The following CAMSAP2 variants were observed in gnomAD, a reference collection of about 807,000 sequenced individuals.
CAMSAP2 encodes calmodulin regulated spectrin associated protein family member 2.
Under a neutral mutation model 146.1 loss-of-function variants are expected in CAMSAP2, and 26 were observed. The ratio of observed to expected loss-of-function variants is 0.18; its 90% CI spans 0.13 to 0.25. CAMSAP2 has a LOEUF of 0.25. Ranked by LOEUF, CAMSAP2 falls within the 10% of genes least tolerant of loss-of-function variation. The pLI is 1.00. For missense variants in CAMSAP2, 1,381 were observed against 1,759.3 expected (o/e 0.78, Z 3.85); for synonymous variants, 499 against 596.6 (o/e 0.84, Z 2.38).
chr1:200,806,288 G>A (rs1666167705), intron 2 of CAMSAP2, among the ~76,000 whole-genome samples: 1 of 152,186 alleles, frequency 6.6e-6, no homozygotes, highest in African/African-American at 2.4e-5. Context: ...TTCCAAAGAA[G>A]AAATGCAAAT....
rs187369784 is a variant in CAMSAP2, at chr1:200,754,805, A to G, written c.140-6034A>G. On this transcript the variant is annotated intron_variant, in intron 1 of 16. Transcript: ENST00000358823. The stretch of plus-strand genomic sequence containing the variant: ...CACCGTGTTAGTCAGGACGGTCTCT[A>G]TCTCCTGACCTTGTGATCTGCCTGC... Among the ~76,000 whole-genome samples the G allele has an allele frequency of 2.6e-4, 40 of 152,216 alleles. No individual in the cohort carries two copies. The East Asian group carries it at 7.7e-3, about 29-fold the overall frequency.
In CAMSAP2 at chr1:200,857,057, T is replaced by C. The variant is rs114512233; in HGVS notation, c.4013-249T>C. Among the ~76,000 whole-genome samples the C allele has an allele frequency of 7.4e-3, 1,127 of 152,282 alleles. 13 individuals are homozygous for C. Among genetic ancestry groups the C allele is most frequent in the Middle Eastern group, 0.044 (13 of 294 alleles). ...GGTTAAATAGGCAGTATGACAGTTA[T>C]AGCAATATTTTATTTTTAGTACTGC... On this transcript the variant is annotated intron_variant, in intron 15 of 16. Coordinates refer to ENST00000358823, the MANE Select transcript of CAMSAP2 (RefSeq NM_203459.4). The surrounding 1 kb of genome is among the most constrained non-coding windows in gnomAD (Gnocchi z 4.7).
intron 2 of CAMSAP2, among the ~76,000 whole-genome samples, chr1:200,766,323 A>G (rs1318892569): frequency 6.6e-6 from 1 of 150,706 alleles, no homozygotes. Context: ...TTTTTTTATT[A>G]TTTTTTTTGT....
chr1:200,817,365 TCAAA>T lies in CAMSAP2; in HGVS notation c.645+1724_645+1727del, dbSNP rs763886985. Among the ~76,000 whole-genome samples, 21 of 152,176 alleles carry T rather than the reference TCAAA, an allele frequency of 1.4e-4. 1 individual carries two copies. The highest frequency in any genetic ancestry group is 1.9e-4 in the Non-Finnish European group (13 of 67,980). On this transcript the variant is annotated intron_variant, in intron 4 of 16. Coordinates refer to ENST00000358823, the MANE Select transcript of CAMSAP2 (RefSeq NM_203459.4). ...ACATGGATTTATTCTTTTAAAAATC[TCAAA>T]CAGACTTTTAGAATTTTCTTCTCTG...
At chr1:200,753,082 G>A (rs1377851161) in intron 1 of CAMSAP2, among the ~76,000 whole-genome samples, 3 of 151,882 alleles carry the variant, frequency 2.0e-5, no homozygotes, top group Non-Finnish European at 4.4e-5. Context: ...ATCACTTGAG[G>A]TCAGGAGTTT....
chr1:200,842,082 A>C lies in CAMSAP2; in HGVS notation c.1016A>C (p.Gln339Pro). ...SFVQPRVVRP[Q>P]GAEPVKDMPS... ...GTACAGCCTCGTGTTGTTCGTCCAC[A>C]AGGAGGTAATCAATCTTTTTAATTT... The change falls in exon 7 of 17, where the codon CAA (glutamine) becomes CCA (proline). Residue 339 changes from glutamine (Q) to proline (P), a missense_variant. Physicochemically the swap from Gln to Pro is moderately conservative, Grantham distance 76. This residue lies in a region of CAMSAP2 where 447 missense variants were observed against 462.2 expected (regional missense o/e 0.97). Coordinates refer to ENST00000358823, the MANE Select transcript of CAMSAP2 (RefSeq NM_203459.4). 1 of 1,611,340 alleles carries C rather than the reference A, an allele frequency of 6.2e-7. No individual in the cohort carries two copies. Among genetic ancestry groups the C allele is most frequent in the South Asian group, 1.1e-5 (1 of 91,018 alleles).
At chr1:200,847,832 G>A in intron 10 of CAMSAP2, 123 bp downstream of exon 10, 1 of 935,998 alleles carries the variant, frequency 1.1e-6, no homozygotes. Context: ...ATTTGAAAAA[G>A]GCAGTATAGG....
At position 200,819,097 on chromosome 1, in the gene CAMSAP2, T is replaced by C. The variant is rs537414594; in HGVS notation, c.645+3453T>C. Among the ~76,000 whole-genome samples the C allele has an allele frequency of 3.3e-5, 5 of 152,318 alleles. No individual in the cohort carries two copies. In the South Asian group the frequency reaches 1.0e-3, roughly 32 times the overall value. ...CACATGTTGAAGGATACTTGTACTA[T>C]ATATTATTAGGGTTGGACTGAAATG... On this transcript the variant is annotated intron_variant, in intron 4 of 16. Transcript: ENST00000358823.
intron 14 of CAMSAP2, 71 bp from the exon 15 acceptor site, chr1:200,855,939 T>C: frequency 1.0e-6 from 1 of 993,772 alleles, no homozygotes. Context: ...TGATTGTTAC[T>C]TTCACGTATA....
chr1:200,844,769 TC>T lies in CAMSAP2; in HGVS notation c.1022-12del. ...GCTAATTTGAGGGTGTTTTTAAAAATCTTTTATTCCAGCTGAACCTGTAAAA... is the reference window on the plus strand; with the variant it reads ...GCTAATTTGAGGGTGTTTTTAAAAATTTTTATTCCAGCTGAACCTGTAAAA... On this transcript the variant is annotated splice_polypyrimidine_tract_variant and intron_variant, in intron 7 of 16. Coordinates refer to ENST00000358823, the MANE Select transcript of CAMSAP2 (RefSeq NM_203459.4). 6.6e-7 allele frequency: 1 copy of T among 1,515,936 alleles called. No individual in the cohort carries two copies. Among genetic ancestry groups the T allele is most frequent in the Non-Finnish European group, 8.9e-7 (1 of 1,126,228 alleles). The allele number at this position is 1,515,936 out of a possible 1,614,324, so 93.9% of individuals were successfully genotyped here.
chr1:200,765,702 T>C (rs1664931273), intron 2 of CAMSAP2, among the ~76,000 whole-genome samples: 1 of 152,104 alleles, frequency 6.6e-6, no homozygotes, highest in African/African-American at 2.4e-5. Context: ...ATCATCTCTA[T>C]TAGGGAGGAT....
At chr1:200,822,880 T>TA (rs2102195496) in intron 4 of CAMSAP2, among the ~76,000 whole-genome samples, 1 of 152,332 alleles carries the variant, frequency 6.6e-6, no homozygotes, top group African/African-American at 2.4e-5. Flanking sequence ...ATTTAAAACT[T>TA]ATGAGTTGTT....
At chr1:200,788,461 C>G (rs1665655802) in intron 2 of CAMSAP2, among the ~76,000 whole-genome samples, 1 of 152,094 alleles carries the variant, frequency 6.6e-6, no homozygotes, top group Non-Finnish European at 1.5e-5. Flanking sequence ...TCACCAAACT[C>G]TCTTCCAAAG....
chr1:200,782,423 A>AC (rs1665460462), intron 2 of CAMSAP2, among the ~76,000 whole-genome samples: 1 of 151,854 alleles, frequency 6.6e-6, no homozygotes, highest in Non-Finnish European at 1.5e-5. Flanking sequence ...GAACATAATA[A>AC]CCCCCCAAAA....
intron 2 of CAMSAP2, among the ~76,000 whole-genome samples, chr1:200,768,358 C>T (rs1222750089): frequency 6.6e-6 from 1 of 152,086 alleles, no homozygotes. Context: ...TTAGTTGTGG[C>T]GTTAGCACTA....
At position 200,807,572 on chromosome 1, in the gene CAMSAP2, A is replaced by G. The variant is rs750299131; in HGVS notation, c.561+35A>G. ...TACTCACTTGAGTAAATCGCATCTC[A>G]TAGCCAGAAAACGTGAAATTCTAAA... On this transcript the variant is annotated intron_variant, in intron 3 of 16. Transcript: ENST00000358823. The G allele has an allele frequency of 5.6e-6, 8 of 1,422,050 alleles. No homozygotes were observed. The Admixed American group carries it at 1.2e-4, about 21-fold the overall frequency. The allele number at this position is 1,422,050 out of a possible 1,614,324, so 88.1% of individuals were successfully genotyped here. A position where few individuals can be genotyped will look rare whatever the true frequency, so the allele number is the denominator to read the frequency against.
At chr1:200,772,437 C>T (rs923559702) in intron 2 of CAMSAP2, among the ~76,000 whole-genome samples, 2 of 151,954 alleles carry the variant, frequency 1.3e-5, no homozygotes, top group African/African-American at 4.8e-5. Flanking sequence ...GGCGAAACCC[C>T]GTCTTTACTA....
At chr1:200,833,150 A>C (rs1233932518) in intron 6 of CAMSAP2, among the ~76,000 whole-genome samples, 1 of 152,236 alleles carries the variant, frequency 6.6e-6, no homozygotes, top group Non-Finnish European at 1.5e-5. Context: ...TTATAGATTA[A>C]CTATATTAGT....
chr1:200,817,243 CACACATAT>C (rs1666619001), intron 4 of CAMSAP2, among the ~76,000 whole-genome samples: 1 of 11,444 alleles, frequency 8.7e-5, no homozygotes, highest in Non-Finnish European at 1.5e-4. Flanking sequence ...TACACACATA[CACACATAT>C]GTGTGTGTAT....
Sources: allele counts gnomAD v4.1 joint callset (sites outside exome capture counted in the v4.1 genomes callset), GRCh38; gene constraint gnomAD v4.1.1; regional missense constraint gnomAD v4.1.1; non-coding constraint Gnocchi (gnomAD v3.1); transcripts MANE v1.5; gene names NCBI Gene and HGNC (gene_info 2026-07-23, HGNC 2026-07-21).